TDRD3: variants seen among roughly 807,000 people sequenced by gnomAD.
The protein encoded by TDRD3 is tudor domain-containing protein 3.
A neutral mutation model predicts 86.7 loss-of-function variants in TDRD3; 45 were observed. The ratio of observed to expected loss-of-function variants is 0.52; its 90% CI spans 0.41 to 0.67. The LOEUF is 0.67. Ranked by LOEUF, TDRD3 falls within the 30% of genes least tolerant of loss-of-function variation. The probability of loss-of-function intolerance (pLI) is 0.00; values close to 1 mark genes in which losing one functional copy is unlikely to be tolerated. For missense variants in TDRD3, 814 were observed against 889.0 expected (o/e 0.92, Z 1.07); for synonymous variants, 298 against 301.7 (o/e 0.99, Z 0.13).
intron 1 of TDRD3, among the ~76,000 whole-genome samples, chr13:60,437,471 G>A (rs1418092153): frequency 2.0e-5 from 3 of 151,780 alleles, no homozygotes; most frequent in Non-Finnish European, 4.4e-5. Context: ...TGGGAGTTAG[G>A]AGTCATTTTT....
At chr13:60,570,086 A>G (rs1158606779) in intron 13 of TDRD3, among the ~76,000 whole-genome samples, 1 of 152,194 alleles carries the variant, frequency 6.6e-6, no homozygotes, top group East Asian at 1.9e-4. Flanking sequence ...AGTTAAAAAG[A>G]TCCTACATAG....
At chr13:60,396,457 A>G (rs969915800), upstream of TDRD3, 22 of 152,210 alleles carry the variant, frequency 1.4e-4, no homozygotes, top group Admixed American at 1.2e-3. Context: ...CCACTCAGGG[A>G]CCCACCCTGC....
intron 2 of TDRD3, among the ~76,000 whole-genome samples, chr13:60,444,308 A>T (rs1955348719): frequency 6.6e-6 from 1 of 151,632 alleles, no homozygotes; most frequent in African/African-American, 2.4e-5. Flanking sequence ...ATTCAGTTTT[A>T]AAAAACATAC....
chr13:60,505,737 A>G (rs190148117), intron 8 of TDRD3, among the ~76,000 whole-genome samples: 1 of 152,370 alleles, frequency 6.6e-6, no homozygotes, highest in Admixed American at 6.5e-5. Context: ...TGAAGCATAC[A>G]CAAGTATCAA....
At chr13:60,572,853 C>T (rs1421754900) in intron 13 of TDRD3, among the ~76,000 whole-genome samples, 1 of 152,028 alleles carries the variant, frequency 6.6e-6, no homozygotes, top group East Asian at 1.9e-4. Flanking sequence ...GCATCAATGT[C>T]AGGAAAATGA....
At chr13:60,532,084 A>G (rs892908555) in intron 11 of TDRD3, among the ~76,000 whole-genome samples, 2 of 152,214 alleles carry the variant, frequency 1.3e-5, no homozygotes, top group East Asian at 1.9e-4. Context: ...GTAATTGTAT[A>G]AAAAATTAAT....
At chr13:60,422,585 C>G (rs769961369) in intron 1 of TDRD3, among the ~76,000 whole-genome samples, 1 of 151,822 alleles carries the variant, frequency 6.6e-6, no homozygotes, top group African/African-American at 2.4e-5. Context: ...GGACAATAAA[C>G]AGGGACAAAT....
chr13:60,402,369 G>A (rs1954123610), intron 1 of TDRD3, among the ~76,000 whole-genome samples: 1 of 152,142 alleles, frequency 6.6e-6, no homozygotes, highest in African/African-American at 2.4e-5. Context: ...TATACTAGTG[G>A]TAATAGACAT....
intron 6 of TDRD3, among the ~76,000 whole-genome samples, chr13:60,484,069 G>A (rs1043134484): frequency 1.3e-5 from 2 of 152,012 alleles, no homozygotes; most frequent in Non-Finnish European, 2.9e-5. Context: ...GCAATTAAGA[G>A]CCATATCTGA....
chr13:60,478,729 C>G (rs149160716), intron 5 of TDRD3, among the ~76,000 whole-genome samples: 137 of 151,242 alleles, frequency 9.1e-4, no homozygotes, highest in African/African-American at 3.1e-3. Flanking sequence ...TTTTCTTCTG[C>G]TAGCTTCAGG....
At chr13:60,492,843 A>T (rs775023441) in intron 7 of TDRD3, among the ~76,000 whole-genome samples, 1 of 151,916 alleles carries the variant, frequency 6.6e-6, no homozygotes, top group Non-Finnish European at 1.5e-5. Context: ...ATTAGTGCTC[A>T]TCCAACATTT....
chr13:60,457,516 G>A (rs951636565), intron 3 of TDRD3, among the ~76,000 whole-genome samples: 1 of 152,176 alleles, frequency 6.6e-6, no homozygotes, highest in Non-Finnish European at 1.5e-5. Context: ...CCCTAGCTAG[G>A]CTAGATCTCA....
chr13:60,455,246 A>G (rs1032017982), intron 3 of TDRD3, among the ~76,000 whole-genome samples: 2 of 152,202 alleles, frequency 1.3e-5, no homozygotes, highest in Non-Finnish European at 2.9e-5. Flanking sequence ...TTGTGTTGAA[A>G]TGATACTAAG....
intron 10 of TDRD3, among the ~76,000 whole-genome samples, chr13:60,517,297 T>C (rs1957193460): frequency 6.6e-6 from 1 of 152,068 alleles, no homozygotes; most frequent in South Asian, 2.1e-4. Context: ...TGTAATATAA[T>C]GGTAATAGCT....
At chr13:60,434,631 A>G (rs952003628) in intron 1 of TDRD3, among the ~76,000 whole-genome samples, 1 of 152,074 alleles carries the variant, frequency 6.6e-6, no homozygotes, top group Non-Finnish European at 1.5e-5. Flanking sequence ...AGATGTTGTC[A>G]TAGTTTAGAT....
chr13:60,527,441 A>G (rs1957466699), intron 10 of TDRD3, among the ~76,000 whole-genome samples: 1 of 152,186 alleles, frequency 6.6e-6, no homozygotes, highest in Non-Finnish European at 1.5e-5. Flanking sequence ...CCTTGGGGAA[A>G]TATAAGAATA....
At chr13:60,540,935 C>G (rs1424134152) in intron 12 of TDRD3, among the ~76,000 whole-genome samples, 2 of 152,078 alleles carry the variant, frequency 1.3e-5, no homozygotes, top group Non-Finnish European at 2.9e-5. Flanking sequence ...TGCCGTCACT[C>G]TTTTTAAAGT....
rs538246947 is a variant in TDRD3 at position 60,528,280 on chromosome 13, T to C, written c.1142-87T>C. ...ATTTTAGAATAGTAGTTTGATAATT[T>C]TGTATTAATAGAATAAAGCATTTTA... is the stretch of plus-strand genomic sequence containing the variant. On this transcript the variant is annotated intron_variant, in intron 10 of 13. Coordinates refer to ENST00000377881, the MANE Select transcript of TDRD3 (RefSeq NM_001146070.2). The C allele has an allele frequency of 3.7e-6, 5 of 1,349,260 alleles. No individual in the cohort carries two copies. The Admixed American group carries it at 7.6e-5, about 20-fold the overall frequency. The allele number at this position is 1,349,260 out of a possible 1,614,324, so 83.6% of individuals were successfully genotyped here. A position where few individuals can be genotyped will look rare whatever the true frequency, so the allele number is the denominator to read the frequency against.
At chr13:60,566,030 A>G (rs1285520473) in intron 12 of TDRD3, among the ~76,000 whole-genome samples, 3 of 152,168 alleles carry the variant, frequency 2.0e-5, no homozygotes, top group Non-Finnish European at 4.4e-5. Context: ...ATTATACCAG[A>G]TATATTGTCA....
Sources: gnomAD v4.1 joint callset for allele counts (sites outside exome capture counted in the v4.1 genomes callset) on GRCh38, gnomAD v4.1.1 for gene constraint, MANE v1.5 for transcripts, NCBI Gene and HGNC (gene_info 2026-07-23, HGNC 2026-07-21) for gene names.